Variants in ANO10 observed in about 807,000 individuals in gnomAD.
ANO10 encodes anoctamin-10.
ANO10 carries 77 observed loss-of-function variants against 74.7 expected under a neutral mutation model. The observed-to-expected ratio is 1.03, with a 90% CI of 0.86 to 1.25. The LOEUF (loss-of-function observed/expected upper bound fraction) is 1.25. Among genes scored for constraint, ANO10 ranks in the 50% most tolerant of loss-of-function variants. The probability of loss-of-function intolerance (pLI) is 0.00; values close to 1 mark genes in which losing one functional copy is unlikely to be tolerated. For synonymous variants in ANO10, 279 were observed against 284.9 expected (o/e 0.98, Z 0.21); for missense variants, 721 against 778.1 (o/e 0.93, Z 0.87).
At chr3:43,664,899 G>A (rs2083970752) in intron 1 of ANO10, among the ~76,000 whole-genome samples, 1 of 151,460 alleles carries the variant, frequency 6.6e-6, no homozygotes, top group African/African-American at 2.4e-5. Flanking sequence ...AGAGGTTGTG[G>A]AAAAATAGGA....
intron 12 of ANO10, among the ~76,000 whole-genome samples, chr3:43,367,465 C>A (rs1017900567): frequency 6.6e-6 from 1 of 152,182 alleles, no homozygotes; most frequent in Non-Finnish European, 1.5e-5. Context: ...AGAACAGATG[C>A]CCCAAATCAT....
intron 12 of ANO10, among the ~76,000 whole-genome samples, chr3:43,386,048 G>C (rs1355519357): frequency 1.3e-5 from 2 of 152,222 alleles, no homozygotes; most frequent in Admixed American, 1.3e-4. Context: ...GGCTCCTGTG[G>C]CTTGCCATGG....
intron 1 of ANO10, among the ~76,000 whole-genome samples, chr3:43,607,347 C>T (rs867487731): frequency 6.8e-6 from 1 of 147,490 alleles, no homozygotes. Context: ...AAAAAAAAAA[C>T]AAAACAAACA....
intron 4 of ANO10, among the ~76,000 whole-genome samples, chr3:43,596,485 C>G (rs1378633995): frequency 2.0e-5 from 3 of 152,098 alleles, no homozygotes; most frequent in Admixed American, 6.5e-5. Context: ...TGACCTTTGA[C>G]AAACCTGACA....
chr3:43,662,766 C>A (rs2083941208), intron 1 of ANO10, among the ~76,000 whole-genome samples: 1 of 152,108 alleles, frequency 6.6e-6, no homozygotes, highest in Admixed American at 6.6e-5. Flanking sequence ...ATAGACACCT[C>A]TGCGCAAATA....
intron 4 of ANO10, among the ~76,000 whole-genome samples, chr3:43,593,438 G>C (rs1249977158): frequency 6.6e-6 from 1 of 152,246 alleles, no homozygotes; most frequent in Admixed American, 6.5e-5. Context: ...AGCCAGAAGA[G>C]AGTGGGGGCC....
At chr3:43,549,485 T>C (rs756725804) in intron 11 of ANO10, among the ~76,000 whole-genome samples, 7 of 152,156 alleles carry the variant, frequency 4.6e-5, no homozygotes, top group African/African-American at 1.7e-4. Context: ...GCCAGCATAA[T>C]AGTGGAAAAG....
chr3:43,417,349 A>G (rs2092755706), intron 12 of ANO10, among the ~76,000 whole-genome samples: 1 of 152,160 alleles, frequency 6.6e-6, no homozygotes, highest in Non-Finnish European at 1.5e-5. Flanking sequence ...GCATAATAAC[A>G]TTAGGGTGGG....
chr3:43,509,289 G>A (rs1462190178), intron 11 of ANO10, among the ~76,000 whole-genome samples: 3 of 151,812 alleles, frequency 2.0e-5, no homozygotes, highest in Admixed American at 6.6e-5. Context: ...AACGGGTGCA[G>A]CACACCAACA....
chr3:43,615,388 T>C (rs889190271), intron 1 of ANO10, among the ~76,000 whole-genome samples: 5 of 152,194 alleles, frequency 3.3e-5, no homozygotes, highest in African/African-American at 1.2e-4. Context: ...TGTGTCTGTT[T>C]ACGTGAATAA....
At chr3:43,626,323 C>G (rs530019878), upstream of ANO10, among the ~76,000 whole-genome samples, 8 of 141,176 alleles carry the variant, frequency 5.7e-5, no homozygotes, top group African/African-American at 1.9e-4. Context: ...GAGACTGAGT[C>G]TCGCTGTATC....
At chr3:43,571,883 A>C (rs2080748280) in intron 7 of ANO10, among the ~76,000 whole-genome samples, 1 of 151,878 alleles carries the variant, frequency 6.6e-6, no homozygotes, top group South Asian at 2.1e-4. Flanking sequence ...AAAAAAGAAA[A>C]ATGTAATGGG....
intron 1 of ANO10, 37 bp from the exon 2 acceptor site, chr3:43,605,900 T>C (rs1408217741): frequency 1.1e-5 from 17 of 1,603,808 alleles, no homozygotes; most frequent in Admixed American, 5.0e-5. Context: ...AAATGGGTTG[T>C]TATTATGGCA....
At chr3:43,510,025 G>A (rs116166352) in intron 11 of ANO10, among the ~76,000 whole-genome samples, 1 of 152,134 alleles carries the variant, frequency 6.6e-6, no homozygotes, top group Admixed American at 6.5e-5. Context: ...AGATTTTGGT[G>A]ATCATCAGGG....
intron 1 of ANO10, among the ~76,000 whole-genome samples, chr3:43,660,906 A>T (rs1028571038): frequency 9.2e-5 from 14 of 152,326 alleles, no homozygotes; most frequent in African/African-American, 3.4e-4. Context: ...TTGAGCCGAG[A>T]TCATGTCATT....
intron 12 of ANO10, among the ~76,000 whole-genome samples, chr3:43,375,586 G>C (rs2091773175): frequency 1.3e-5 from 2 of 152,094 alleles, no homozygotes; most frequent in Non-Finnish European, 1.5e-5. Flanking sequence ...ACAAACGCTA[G>C]AGCAGCTGAA....
chr3:43,460,851 C>G (rs2075346516), intron 11 of ANO10, among the ~76,000 whole-genome samples: 1 of 151,916 alleles, frequency 6.6e-6, no homozygotes, highest in African/African-American at 2.4e-5. Context: ...ACAACAAGAG[C>G]AGACACTCAC....
chr3:43,485,209 G>A (rs1031019729), intron 11 of ANO10: 6 of 683,194 alleles, frequency 8.8e-6, no homozygotes, highest in Admixed American at 6.3e-5. Flanking sequence ...CGGTATTGCC[G>A]GTACATGTTG....
chr3:43,495,476 C>T (rs760091243), intron 11 of ANO10, among the ~76,000 whole-genome samples: 8 of 151,890 alleles, frequency 5.3e-5, no homozygotes, highest in Non-Finnish European at 1.0e-4. Context: ...TAACATGTGA[C>T]CAAAGAGTTA....
Sources: gnomAD v4.1 joint callset for allele counts (sites outside exome capture counted in the v4.1 genomes callset) on GRCh38, gnomAD v4.1.1 for gene constraint, MANE v1.5 for transcripts, NCBI Gene and HGNC (gene_info 2026-07-23, HGNC 2026-07-21) for gene names.